The following MTCL3 variants were observed in gnomAD, a reference collection of about 807,000 sequenced individuals.
MTCL3 encodes MTCL family member 3.
the MTCL3 span, among the ~76,000 whole-genome samples, chr6:127,473,637 G>A: frequency 6.6e-5 from 10 of 152,164 alleles, no homozygotes; most frequent in Admixed American, 1.3e-4. Flanking sequence ...ATCATAAAAC[G>A]ATATTTTTCA....
the MTCL3 span, chr6:127,481,472 A>G: frequency 9.1e-6 from 9 of 985,410 alleles, no homozygotes; most frequent in Non-Finnish European, 1.1e-5. Context: ...GTTCTGGTGC[A>G]AGTACCAGGA....
the MTCL3 span, chr6:127,515,765 C>A: frequency 6.2e-7 from 1 of 1,603,676 alleles, no homozygotes; most frequent in Non-Finnish European, 8.5e-7. The surrounding 1 kb of genome is among the most constrained non-coding windows in gnomAD (Gnocchi z 4.3). Flanking sequence ...CTGCTGCCGC[C>A]GCCGTTCTTA....
At chr6:127,516,338 C>A in the MTCL3 span, 1 of 1,586,012 alleles carries the variant, frequency 6.3e-7, no homozygotes, top group Non-Finnish European at 8.5e-7. Flanking sequence ...CGGATGCTGG[C>A]GGGCGGCCCC....
the MTCL3 span, among the ~76,000 whole-genome samples, chr6:127,494,136 A>AT: frequency 6.6e-6 from 1 of 152,222 alleles, no homozygotes; most frequent in Admixed American, 6.5e-5. Flanking sequence ...ACTTTAGAAC[A>AT]TATCTGCCCT....
At chr6:127,517,439 A>C in the MTCL3 span, 1 of 152,196 alleles carries the variant, frequency 6.6e-6, no homozygotes, top group Non-Finnish European at 1.5e-5. Context: ...TTGGGAAATA[A>C]TTTTTAAAAT....
chr6:127,505,465 G>T, the MTCL3 span, among the ~76,000 whole-genome samples: 13 of 152,182 alleles, frequency 8.5e-5, no homozygotes, highest in Non-Finnish European at 1.5e-4. Flanking sequence ...GGCGCTAAAT[G>T]ATGAGAATAC....
At chr6:127,507,014 A>G in the MTCL3 span, among the ~76,000 whole-genome samples, 1 of 152,236 alleles carries the variant, frequency 6.6e-6, no homozygotes, top group African/African-American at 2.4e-5. Flanking sequence ...TGAGTCACTC[A>G]AAGTTCAGCC....
At chr6:127,473,597 C>T in the MTCL3 span, among the ~76,000 whole-genome samples, 1 of 152,094 alleles carries the variant, frequency 6.6e-6, no homozygotes, top group Non-Finnish European at 1.5e-5. Context: ...AAGAGTATAA[C>T]CGAATACATA....
the MTCL3 span, among the ~76,000 whole-genome samples, chr6:127,506,580 C>T: frequency 6.6e-6 from 1 of 151,984 alleles, no homozygotes; most frequent in Admixed American, 6.6e-5. Context: ...TCCCCCTCCC[C>T]CGTCTTTATT....
At chr6:127,515,769 G>C in the MTCL3 span, 2 of 1,604,730 alleles carry the variant, frequency 1.2e-6, no homozygotes, top group South Asian at 2.2e-5. This position sits in a 1 kb window ranked among gnomAD's most constrained non-coding sequence, Gnocchi z 4.3. Flanking sequence ...TGCCGCCGCC[G>C]TTCTTAGCGT....
chr6:127,515,847 C>T, the MTCL3 span: 1 of 1,611,742 alleles, frequency 6.2e-7, no homozygotes, highest in Admixed American at 1.7e-5. The surrounding 1 kb of genome is among the most constrained non-coding windows in gnomAD (Gnocchi z 4.3). Context: ...TGAGCTCAGA[C>T]TGCAGACATC....
chr6:127,515,709 G>T, the MTCL3 span: 1 of 1,580,732 alleles, frequency 6.3e-7, no homozygotes, highest in East Asian at 2.3e-5. This position sits in a 1 kb window ranked among gnomAD's most constrained non-coding sequence, Gnocchi z 4.3. Context: ...CGACGGCCAG[G>T]GTCTCGCAAA....
the MTCL3 span, among the ~76,000 whole-genome samples, chr6:127,513,941 A>G: frequency 2.0e-5 from 3 of 152,246 alleles, no homozygotes; most frequent in Non-Finnish European, 4.4e-5. Flanking sequence ...GACAAAAGTT[A>G]AGAAAAAAAG....
chr6:127,516,289 G>T, the MTCL3 span: 18 of 1,540,700 alleles, frequency 1.2e-5, no homozygotes, highest in African/African-American at 2.1e-4. Flanking sequence ...CCCTTTGGGC[G>T]CCAGGGGCGT....
At chr6:127,515,488 C>A in the MTCL3 span, 1 of 1,411,480 alleles carries the variant, frequency 7.1e-7, no homozygotes. The surrounding 1 kb of genome is among the most constrained non-coding windows in gnomAD (Gnocchi z 4.3). Flanking sequence ...TCCCATCCCC[C>A]AGCCGGGTCC....
At chr6:127,495,209 A>G in the MTCL3 span, among the ~76,000 whole-genome samples, 1 of 152,092 alleles carries the variant, frequency 6.6e-6, no homozygotes, top group Non-Finnish European at 1.5e-5. Context: ...AAAAAAAAAA[A>G]AAATTATTTT....
chr6:127,505,044 G>T, the MTCL3 span, among the ~76,000 whole-genome samples: 1 of 152,208 alleles, frequency 6.6e-6, no homozygotes, highest in African/African-American at 2.4e-5. Context: ...AATAGATGAT[G>T]AATTCTTTTG....
chr6:127,502,349 TAGTC>T, the MTCL3 span, among the ~76,000 whole-genome samples: 1 of 152,296 alleles, frequency 6.6e-6, no homozygotes, highest in South Asian at 2.1e-4. Flanking sequence ...CAAATCAACA[TAGTC>T]AGCCCTGTTG....
chr6:127,483,486 G>GAAAA, the MTCL3 span, among the ~76,000 whole-genome samples: 1 of 152,154 alleles, frequency 6.6e-6, no homozygotes, highest in South Asian at 2.1e-4. Context: ...CGTGCAAAAT[G>GAAAA]ATAGGGCATG....
Sources: allele counts gnomAD v4.1 joint callset (sites outside exome capture counted in the v4.1 genomes callset), GRCh38; gene constraint gnomAD v4.1.1; non-coding constraint Gnocchi (gnomAD v3.1); transcripts MANE v1.5; gene names NCBI Gene and HGNC (gene_info 2026-07-23, HGNC 2026-07-21).